ARPP21: variants seen among roughly 807,000 people sequenced by gnomAD.
The protein encoded by ARPP21 is cAMP regulated phosphoprotein 21, also known as cAMP-regulated phosphoprotein 21.
ARPP21 carries 69 observed loss-of-function variants against 113.2 expected under a neutral mutation model. The ratio of observed to expected loss-of-function variants is 0.61; its 90% CI spans 0.50 to 0.74. The LOEUF (loss-of-function observed/expected upper bound fraction) is 0.74, where lower values mean the gene tolerates loss of function less well. Ranked by LOEUF, ARPP21 falls within the 30% of genes least tolerant of loss-of-function variation. The pLI, the probability that ARPP21 is intolerant of heterozygous loss-of-function variation, is 0.00. For synonymous variants in ARPP21, 368 were observed against 375.5 expected (o/e 0.98, Z 0.23); for missense variants, 1,070 against 1,037.4 (o/e 1.03, Z -0.43).
chr3:35,733,118 G>T (rs1456038093), intron 15 of ARPP21, among the ~76,000 whole-genome samples: 3 of 151,728 alleles, frequency 2.0e-5, no homozygotes, highest in African/African-American at 7.3e-5. Flanking sequence ...AACCAAGAGC[G>T]CATGATTACT....
chr3:35,696,108 C>G (rs1300512101), intron 9 of ARPP21, among the ~76,000 whole-genome samples: 2 of 151,500 alleles, frequency 1.3e-5, no homozygotes, highest in African/African-American at 4.8e-5. Context: ...AGCTTTAGAA[C>G]ATGAGGCTTG....
chr3:35,691,470 C>T (rs915741250), intron 9 of ARPP21, among the ~76,000 whole-genome samples: 1 of 151,552 alleles, frequency 6.6e-6, no homozygotes, highest in African/African-American at 2.4e-5. Context: ...AGAAATCCTG[C>T]CTCTAAAACC....
chr3:35,695,686 AAG>A (rs2083722405), intron 9 of ARPP21, among the ~76,000 whole-genome samples: 2 of 151,676 alleles, frequency 1.3e-5, no homozygotes, highest in African/African-American at 4.8e-5. Flanking sequence ...GAGAAAGGGT[AAG>A]ACTTAAACAA....
chr3:35,788,045 TC>T (rs2096667758), intron 19 of ARPP21, among the ~76,000 whole-genome samples: 1 of 152,244 alleles, frequency 6.6e-6, no homozygotes, highest in African/African-American at 2.4e-5. Flanking sequence ...GAGTAAGTGA[TC>T]AACAAATATA....
intron 19 of ARPP21, among the ~76,000 whole-genome samples, chr3:35,748,318 G>C (rs969879857): frequency 1.1e-5 from 1 of 90,848 alleles, no homozygotes; most frequent in East Asian, 3.0e-4. Flanking sequence ...AAGAAAGAAA[G>C]AAAAAGAAAG....
chr3:35,677,512 G>A (rs538008502), intron 1 of ARPP21, among the ~76,000 whole-genome samples: 2 of 151,982 alleles, frequency 1.3e-5, no homozygotes, highest in East Asian at 3.9e-4. Context: ...ATGGTAAATA[G>A]TTTACAGCAT....
chr3:35,667,885 A>AGAAGAAGAGGAAGAGGAAGAG (rs777434867), intron 1 of ARPP21, among the ~76,000 whole-genome samples: 1 of 97,662 alleles, frequency 1.0e-5, no homozygotes, highest in Admixed American at 1.1e-4. Flanking sequence ...AAGAAGAAGA[A>AGAAGAAGAGGAAGAGGAAGAG]GAAGAGGAAG....
chr3:35,751,624 T>G (rs2095408280), intron 19 of ARPP21, among the ~76,000 whole-genome samples: 1 of 152,152 alleles, frequency 6.6e-6, no homozygotes. Flanking sequence ...CCTTACAGTC[T>G]GCTCAACAGC....
intron 3 of ARPP21, 132 bp downstream of exon 3, chr3:35,682,012 T>G (rs1227544723): frequency 8.9e-7 from 1 of 1,124,992 alleles, no homozygotes; most frequent in East Asian, 2.6e-5. Flanking sequence ...GCTAGTCTCC[T>G]ACTTTTTCAA....
chr3:35,674,386 C>T (rs2077007135), intron 1 of ARPP21, among the ~76,000 whole-genome samples: 1 of 151,914 alleles, frequency 6.6e-6, no homozygotes, highest in Admixed American at 6.6e-5. Flanking sequence ...GTTTCAGTTA[C>T]ACAAGGAATC....
chr3:35,725,795 C>G (rs971656227), intron 14 of ARPP21, among the ~76,000 whole-genome samples: 2 of 152,160 alleles, frequency 1.3e-5, no homozygotes, highest in Admixed American at 6.5e-5. Flanking sequence ...TTTTTCTCCT[C>G]CCTGTGGCTA....
chr3:35,656,326 G>A (rs1704882009), intron 1 of ARPP21, among the ~76,000 whole-genome samples: 1 of 151,966 alleles, frequency 6.6e-6, no homozygotes, highest in Non-Finnish European at 1.5e-5. Flanking sequence ...ATAAAAATTG[G>A]TGAGCATTAG....
At chr3:35,773,895 A>C (rs2096277638) in intron 19 of ARPP21, among the ~76,000 whole-genome samples, 1 of 152,174 alleles carries the variant, frequency 6.6e-6, no homozygotes, top group Non-Finnish European at 1.5e-5. Flanking sequence ...CTCTGGCATC[A>C]TTAACAAGGC....
chr3:35,707,803 CG>C (rs1337777016), intron 10 of ARPP21, among the ~76,000 whole-genome samples: 1 of 150,878 alleles, frequency 6.6e-6, no homozygotes, highest in Non-Finnish European at 1.5e-5. Context: ...TTTAGATTGG[CG>C]GGGGGCTATG....
intron 1 of ARPP21, among the ~76,000 whole-genome samples, chr3:35,664,558 G>A (rs1055761459): frequency 1.3e-5 from 2 of 152,156 alleles, no homozygotes; most frequent in Non-Finnish European, 2.9e-5. Flanking sequence ...TCCCATTCCT[G>A]TTAAGCTATG....
chr3:35,717,468 G>T (rs1393983552), intron 13 of ARPP21, 111 bp downstream of exon 13: 3 of 706,096 alleles, frequency 4.2e-6, no homozygotes, highest in Admixed American at 4.4e-5. Flanking sequence ...AAAAAAGTCT[G>T]GTTATCTCTT....
At chr3:35,745,218 A>G (rs1259617643) in intron 19 of ARPP21, among the ~76,000 whole-genome samples, 1 of 152,210 alleles carries the variant, frequency 6.6e-6, no homozygotes, top group Non-Finnish European at 1.5e-5. Flanking sequence ...TCACTTGGCA[A>G]TATTTTCTCT....
At chr3:35,740,956 G>T (rs933820148) in intron 18 of ARPP21, among the ~76,000 whole-genome samples, 2 of 151,850 alleles carry the variant, frequency 1.3e-5, no homozygotes, top group African/African-American at 4.8e-5. Context: ...AAAAAAAATA[G>T]CTGGGTGTGG....
At chr3:35,739,645 A>G (rs1374523153) in intron 18 of ARPP21, 68 bp downstream of exon 18, 19 of 1,512,570 alleles carry the variant, frequency 1.3e-5, no homozygotes, top group Non-Finnish European at 1.7e-5. Flanking sequence ...TTATCTTTCT[A>G]TGTAGAAAAT....
Sources: gnomAD v4.1 joint callset for allele counts (sites outside exome capture counted in the v4.1 genomes callset) on GRCh38, gnomAD v4.1.1 for gene constraint, MANE v1.5 for transcripts, NCBI Gene and HGNC (gene_info 2026-07-23, HGNC 2026-07-21) for gene names.